LRRC58: variants seen among roughly 807,000 people sequenced by gnomAD.
LRRC58 encodes leucine-rich repeat-containing protein 58.
LRRC58 carries 18 observed loss-of-function variants against 30.6 expected under a neutral mutation model. The observed-to-expected ratio is 0.59, with a 90% confidence interval of 0.41 to 0.87. The LOEUF is 0.87. Ranked by LOEUF, LRRC58 falls within the 40% of genes least tolerant of loss-of-function variation. LRRC58 has a pLI of 0.00. For missense variants in LRRC58, 420 were observed against 468.4 expected, an observed-to-expected ratio of 0.90 and a Z score of 0.95; for synonymous variants, 221 against 206.0, an observed-to-expected ratio of 1.07 and a Z score of -0.62.
At chr3:120,341,561 G>C (rs187128370) in intron 1 of LRRC58, among the ~76,000 whole-genome samples, 90 of 152,276 alleles carry the variant, frequency 5.9e-4, no homozygotes, top group Admixed American at 2.0e-3. Flanking sequence ...TTAACGTTAG[G>C]GTATTAAGAA....
Position 120,327,413 on chromosome 3 carries a change from G to A in LRRC58, c.*3787C>T, listed in dbSNP as rs942136538. On this transcript the variant is annotated 3_prime_UTR_variant, in exon 4 of 4. Transcript: ENST00000295628. ...ACTACAGGCGCCCGCCATCACGCCC[G>A]GCTAATTTTTTTTTGTATTTTTAGT... 2 of 150,840 alleles carry A rather than the reference G, an allele frequency of 1.3e-5. No homozygotes were observed. Among genetic ancestry groups the A allele is most frequent in the South Asian group, 2.1e-4 (1 of 4,732 alleles). The allele number at this position is 150,840 out of a possible 1,614,324, so 9.3% of individuals were successfully genotyped here.
Position 120,334,926 on chromosome 3 carries a change from A to T in LRRC58, c.843T>A (p.Asp281Glu). 1.2e-6 allele frequency: 2 copies of T among 1,613,816 alleles called. No homozygotes were observed. Among genetic ancestry groups the T allele is most frequent in the Non-Finnish European group, 1.7e-6 (2 of 1,179,814 alleles). The change falls in exon 3 of 4, where the codon GAT becomes GAA. Residue 281 changes from aspartate to glutamate, a missense_variant. This residue lies in a region of LRRC58 where 154 missense variants were observed against 216.8 expected (regional missense o/e 0.71). Transcript: ENST00000295628. Reference sequence around the variant, plus strand: ...AGTATCTAAGAAGATTTCCAGGAAGATCATAGGGAGTGTAGGAAATATTTC... The same window carrying T: ...AGTATCTAAGAAGATTTCCAGGAAGTTCATAGGGAGTGTAGGAAATATTTC... ...KIRNISYTPY[D>E]LPGNLLRYLG...
In LRRC58 at chr3:120,342,095, G is replaced by A. The variant is rs182648677; in HGVS notation, c.501-6142C>T. Among the ~76,000 whole-genome samples, 8 of 151,974 alleles carry A rather than the reference G, an allele frequency of 5.3e-5. No homozygotes were observed. The East Asian group carries it at 1.2e-3, about 22-fold the overall frequency. ...GCTGCCTGGCCTCTCTCCAGCCCCCGCTCCCATCTTGGAGCAGGAGCTGGG... is the reference window on the plus strand; with the variant it reads ...GCTGCCTGGCCTCTCTCCAGCCCCCACTCCCATCTTGGAGCAGGAGCTGGG... On this transcript the variant is annotated intron_variant, in intron 1 of 3. Transcript: ENST00000295628.
chr3:120,341,757 G>T (rs927629209), intron 1 of LRRC58, among the ~76,000 whole-genome samples: 10 of 151,900 alleles, frequency 6.6e-5, no homozygotes, highest in African/African-American at 2.4e-4. Flanking sequence ...GCCCTTCTGT[G>T]TTGGGAACAG....
chr3:120,331,621 C>G (rs952968988), intron 3 of LRRC58, among the ~76,000 whole-genome samples: 16 of 151,794 alleles, frequency 1.1e-4, no homozygotes, highest in Non-Finnish European at 1.9e-4. Flanking sequence ...GGACATTTAT[C>G]TTAAAGGGAG....
At chr3:120,334,090 C>T (rs1265953437) in intron 3 of LRRC58, among the ~76,000 whole-genome samples, 1 of 152,168 alleles carries the variant, frequency 6.6e-6, no homozygotes, top group Non-Finnish European at 1.5e-5. Context: ...GAACCATGGA[C>T]TTAAAAGAAT....
rs1465472379 is a variant in LRRC58, at chr3:120,327,243, A to ATTTTTTT, written c.*3956_*3957insAAAAAAA. ...TCTTCTAGCCCTGTGGCTTCTAAAG[A>ATTTTTTT]TTTCTTTTTTTTTTTTTTTTTTTTT... On this transcript the variant is annotated 3_prime_UTR_variant, in exon 4 of 4. Transcript: ENST00000295628. 2.9e-4 allele frequency: 32 copies of ATTTTTTT among 108,994 alleles called. No individual in the cohort carries two copies. Among genetic ancestry groups the ATTTTTTT allele is most frequent in the African/African-American group, 4.8e-4 (12 of 25,138 alleles). The allele number at this position is 108,994 out of a possible 1,614,324, so 6.8% of individuals were successfully genotyped here.
In LRRC58 at chr3:120,334,842, T is replaced by C. The variant is rs1288062864; in HGVS notation, c.907+20A>G. On this transcript the variant is annotated intron_variant, in intron 3 of 3. Coordinates refer to ENST00000295628, the MANE Select transcript of LRRC58 (RefSeq NM_001099678.2). ...AAAATAGCTAAATAAGTGGGAAACA[T>C]GAATACTGAATTAACTTACCTCCAC... 1 of 1,590,844 alleles carries C rather than the reference T, an allele frequency of 6.3e-7. No homozygotes were observed. Among genetic ancestry groups the C allele is most frequent in the East Asian group, 2.2e-5 (1 of 44,556 alleles).
chr3:120,347,309 C>T (rs1405320405), intron 1 of LRRC58, among the ~76,000 whole-genome samples: 1 of 150,442 alleles, frequency 6.6e-6, no homozygotes, highest in Non-Finnish European at 1.5e-5. Flanking sequence ...TTAGGATACG[C>T]TACAGTTAGG....
chr3:120,331,680 T>C (rs1447690603), intron 3 of LRRC58, among the ~76,000 whole-genome samples: 2 of 152,202 alleles, frequency 1.3e-5, no homozygotes, highest in African/African-American at 4.8e-5. Flanking sequence ...TCTGGGAGAC[T>C]TGGGGCAATG....
rs201606715 is a variant in LRRC58, at chr3:120,344,078, C to T, written c.500+4666G>A. ...ACAAACAAACAAAAACAAAAAAAAA[C>T]CCCCAAACAACAACAACAACAAAAA... On this transcript the variant is annotated intron_variant, in intron 1 of 3. Coordinates refer to ENST00000295628, the MANE Select transcript of LRRC58 (RefSeq NM_001099678.2). Among the ~76,000 whole-genome samples the T allele has an allele frequency of 2.0e-5, 3 of 151,006 alleles. No homozygotes were observed. The East Asian group carries it at 5.8e-4, about 29-fold the overall frequency.
intron 2 of LRRC58, among the ~76,000 whole-genome samples, chr3:120,335,348 C>T (rs1254817600): frequency 6.6e-6 from 1 of 152,056 alleles, no homozygotes; most frequent in Non-Finnish European, 1.5e-5. Context: ...GCAATCTTGG[C>T]GAATTTAGAA....
In LRRC58 at chr3:120,349,003, T is replaced by C. The variant is rs755745281; in HGVS notation, c.241A>G (p.Thr81Ala). Residue 81 changes from threonine to alanine, a missense_variant, in exon 1 of 4, where the codon ACC (threonine) becomes GCC (alanine). By Grantham distance (58) the Thr-to-Ala change is moderately conservative. Transcript: ENST00000295628. ...QLLDVSGNAL[T>A]ALGPELLALR... ...GCGAGCAGCTCCGGCCCGAGCGCGGTCAACGCGTTGCCGCTCACGTCCAGC... is the reference window on the plus strand; with the variant it reads ...GCGAGCAGCTCCGGCCCGAGCGCGGCCAACGCGTTGCCGCTCACGTCCAGC... 1.3e-5 allele frequency: 20 copies of C among 1,521,758 alleles called. No individual in the cohort carries two copies. The Admixed American group carries it at 1.8e-4, about 14-fold the overall frequency. 94.3% of individuals were successfully genotyped at this position (1,521,758 alleles called of 1,614,324 possible).
rs1416251919 is a variant in LRRC58 at position 120,327,380 on chromosome 3, T to G, written c.*3820A>C. Reference sequence around the variant, plus strand: ...CATTCTCTTGCCTCAGCCTCCCGAGTAGCTGGGACTACAGGCGCCCGCCAT... The same window carrying G: ...CATTCTCTTGCCTCAGCCTCCCGAGGAGCTGGGACTACAGGCGCCCGCCAT... On this transcript the variant is annotated 3_prime_UTR_variant, in exon 4 of 4. Transcript: ENST00000295628. 6.7e-6 allele frequency: 1 copy of G among 148,814 alleles called. No homozygotes were observed. The highest frequency in any genetic ancestry group is 2.5e-5 in the African/African-American group (1 of 39,894). 9.2% of individuals were successfully genotyped at this position (148,814 alleles called of 1,614,324 possible).
At chr3:120,340,743 A>G (rs1186632708) in intron 1 of LRRC58, among the ~76,000 whole-genome samples, 1 of 152,056 alleles carries the variant, frequency 6.6e-6, no homozygotes, top group Admixed American at 6.6e-5. Context: ...AAACAAAAAC[A>G]AAAATTAGCC....
At chr3:120,344,958 T>C (rs1413330582) in intron 1 of LRRC58, among the ~76,000 whole-genome samples, 1 of 152,214 alleles carries the variant, frequency 6.6e-6, no homozygotes, top group East Asian at 1.9e-4. Context: ...TGCTGAAGAA[T>C]AACCACATTT....
rs1339701718 is a variant in LRRC58, at chr3:120,349,165, T to C, written c.79A>G (p.Thr27Ala). 6.7e-7 allele frequency: 1 copy of C among 1,498,972 alleles called. No homozygotes were observed. Among genetic ancestry groups the C allele is most frequent in the South Asian group, 1.2e-5 (1 of 80,078 alleles). 92.9% of individuals were successfully genotyped at this position (1,498,972 alleles called of 1,614,324 possible). The change falls in exon 1 of 4, where the codon ACG becomes GCG. Residue 27 changes from threonine to alanine, a missense_variant. Physicochemically the swap from Thr to Ala is moderately conservative, Grantham distance 58 (BLOSUM62 0). Coordinates refer to ENST00000295628, the MANE Select transcript of LRRC58 (RefSeq NM_001099678.2). ...CGCGCCTCCAGCTCAGACTCCAGCGTCTCGGTGGACACGCTGAGGCGGGAC... is the reference window on the plus strand; with the variant it reads ...CGCGCCTCCAGCTCAGACTCCAGCGCCTCGGTGGACACGCTGAGGCGGGAC... Reference protein sequence around the residue: ...NWSRLSVSTETLESELEARGE... With the variant: ...NWSRLSVSTEALESELEARGE...
At chr3:120,347,280 G>A (rs1160591638) in intron 1 of LRRC58, among the ~76,000 whole-genome samples, 10 of 150,878 alleles carry the variant, frequency 6.6e-5, no homozygotes, top group Admixed American at 2.0e-4. Context: ...TGCTTCATTT[G>A]TAGATTAGAA....
intron 3 of LRRC58, among the ~76,000 whole-genome samples, 183 bp downstream of exon 3, chr3:120,334,679 T>C (rs915178517): frequency 1.3e-5 from 2 of 152,300 alleles, no homozygotes; most frequent in African/African-American, 4.8e-5. Context: ...ATGTTCCTTA[T>C]GTATGAATCC....
Sources: allele counts gnomAD v4.1 joint callset (sites outside exome capture counted in the v4.1 genomes callset), GRCh38; gene constraint gnomAD v4.1.1; regional missense constraint gnomAD v4.1.1; transcripts MANE v1.5; gene names NCBI Gene and HGNC (gene_info 2026-07-23, HGNC 2026-07-21).